Variants in SLMAP observed in about 807,000 individuals in gnomAD.
SLMAP encodes sarcolemma associated protein, also known as sarcolemmal membrane-associated protein.
SLMAP carries 44 observed loss-of-function variants against 128.8 expected under a neutral mutation model. The ratio of observed to expected loss-of-function variants is 0.34; its 90% CI spans 0.27 to 0.44. The LOEUF is 0.44. Ranked by LOEUF, SLMAP falls within the 20% of genes least tolerant of loss-of-function variation. The pLI, the probability that SLMAP is intolerant of heterozygous loss-of-function variation, is 1.00. For synonymous variants in SLMAP, 327 were observed against 348.8 expected (o/e 0.94, Z 0.70); for missense variants, 787 against 985.3 (o/e 0.80, Z 2.69).
intron 2 of SLMAP, among the ~76,000 whole-genome samples, chr3:57,824,267 A>G (rs547430184): frequency 3.3e-5 from 5 of 152,276 alleles, no homozygotes; most frequent in African/African-American, 9.6e-5. Flanking sequence ...AACATACCCT[A>G]AGGGACTTAT....
intron 2 of SLMAP, among the ~76,000 whole-genome samples, chr3:57,780,344 C>T (rs1418425413): frequency 1.3e-5 from 2 of 152,244 alleles, no homozygotes; most frequent in African/African-American, 4.8e-5. Context: ...AGGATCTCGC[C>T]AGGTTGCCCA....
chr3:57,818,457 A>G (rs1442210577), intron 2 of SLMAP, among the ~76,000 whole-genome samples: 3 of 152,182 alleles, frequency 2.0e-5, no homozygotes, highest in Non-Finnish European at 4.4e-5. Flanking sequence ...GCCTGGCCAT[A>G]GTCCTGATTT....
chr3:57,918,295 A>G (rs1325553542), intron 22 of SLMAP: 1 of 152,158 alleles, frequency 6.6e-6, no homozygotes, highest in Non-Finnish European at 1.5e-5. Flanking sequence ...TGGTTGGAAG[A>G]TTATTCTGTT....
intron 14 of SLMAP, among the ~76,000 whole-genome samples, chr3:57,886,135 G>A (rs1247229165): frequency 2.1e-5 from 3 of 139,598 alleles, no homozygotes; most frequent in Middle Eastern, 4.5e-3. Context: ...ATGGAGTCTC[G>A]CTCTGTTGCC....
intron 14 of SLMAP, among the ~76,000 whole-genome samples, chr3:57,886,244 C>A (rs764788848): frequency 3.6e-4 from 55 of 151,462 alleles, no homozygotes; most frequent in Non-Finnish European, 5.4e-4. Context: ...GCTGGGATTA[C>A]AGGTGCCCGC....
At chr3:57,805,484 T>A (rs1374427851) in intron 2 of SLMAP, among the ~76,000 whole-genome samples, 2 of 152,232 alleles carry the variant, frequency 1.3e-5, no homozygotes, top group African/African-American at 2.4e-5. Context: ...TAGCCCAGGC[T>A]ACCAACTGCT....
At chr3:57,921,807 G>A (rs1348213343) in intron 22 of SLMAP, among the ~76,000 whole-genome samples, 1 of 152,068 alleles carries the variant, frequency 6.6e-6, no homozygotes, top group Admixed American at 6.5e-5. Flanking sequence ...CCGGGTTCAA[G>A]CGATTCTCCT....
intron 19 of SLMAP, among the ~76,000 whole-genome samples, chr3:57,911,913 G>T (rs1044275926): frequency 4.4e-4 from 48 of 109,412 alleles, no homozygotes; most frequent in Non-Finnish European, 7.2e-4. Context: ...TCTACACATA[G>T]GATTCACCCT....
At chr3:57,856,223 CA>C (rs922790320) in intron 6 of SLMAP, among the ~76,000 whole-genome samples, 8 of 151,040 alleles carry the variant, frequency 5.3e-5, no homozygotes, top group African/African-American at 1.7e-4. Flanking sequence ...ACTCTTGTCT[CA>C]AAAAAAGAAA....
At chr3:57,808,603 G>T (rs563272880) in intron 2 of SLMAP, among the ~76,000 whole-genome samples, 5 of 152,150 alleles carry the variant, frequency 3.3e-5, no homozygotes, top group South Asian at 4.1e-4. Flanking sequence ...ATTTGATTGC[G>T]CTGTGGCCTG....
At chr3:57,812,086 C>A (rs1011327997) in intron 2 of SLMAP, among the ~76,000 whole-genome samples, 1 of 152,100 alleles carries the variant, frequency 6.6e-6, no homozygotes, top group Non-Finnish European at 1.5e-5. Context: ...TTCATGAAGT[C>A]CCCTTTGTCT....
chr3:57,813,220 C>T (rs1057505235), intron 2 of SLMAP, among the ~76,000 whole-genome samples: 8 of 151,568 alleles, frequency 5.3e-5, no homozygotes, highest in Admixed American at 2.6e-4. Flanking sequence ...CTCAGCGTCT[C>T]GAGCAGCTGG....
chr3:57,831,276 A>C, intron 2 of SLMAP, 107 bp from the exon 3 acceptor site: 1 of 722,938 alleles, frequency 1.4e-6, no homozygotes, highest in Non-Finnish European at 2.0e-6. Context: ...ATAGGGGAAA[A>C]ATTCACTTGC....
At chr3:57,781,898 A>T (rs1327210572) in intron 2 of SLMAP, among the ~76,000 whole-genome samples, 1 of 151,862 alleles carries the variant, frequency 6.6e-6, no homozygotes, top group Non-Finnish European at 1.5e-5. Flanking sequence ...ACACCCAGCT[A>T]ATTTTTGTGT....
At chr3:57,898,209 A>G (rs904788906) in intron 17 of SLMAP, 4 of 152,144 alleles carry the variant, frequency 2.6e-5, no homozygotes, top group Non-Finnish European at 5.9e-5. Flanking sequence ...CTTTTTTTCT[A>G]ATGTCATAAT....
chr3:57,851,503 C>G (rs1331204666), intron 6 of SLMAP, among the ~76,000 whole-genome samples: 1 of 146,404 alleles, frequency 6.8e-6, no homozygotes, highest in African/African-American at 2.5e-5. Context: ...AATGGACTTT[C>G]GCTCTGTCAC....
intron 3 of SLMAP, among the ~76,000 whole-genome samples, chr3:57,840,727 G>C (rs2093892875): frequency 6.6e-6 from 1 of 152,172 alleles, no homozygotes; most frequent in African/African-American, 2.4e-5. Flanking sequence ...TTTAAATATT[G>C]AAATGGAAAC....
chr3:57,912,052 T>C (rs979566068), intron 19 of SLMAP, among the ~76,000 whole-genome samples: 2 of 151,408 alleles, frequency 1.3e-5, no homozygotes, highest in African/African-American at 4.9e-5. Context: ...GTTGAAAGAG[T>C]TTCATCAACA....
intron 2 of SLMAP, among the ~76,000 whole-genome samples, chr3:57,813,046 T>C (rs2091269235): frequency 6.6e-6 from 1 of 151,974 alleles, no homozygotes; most frequent in African/African-American, 2.4e-5. Flanking sequence ...CATACAAGAC[T>C]ATATCATCTA....
Sources: gnomAD v4.1 joint callset for allele counts (sites outside exome capture counted in the v4.1 genomes callset) on GRCh38, gnomAD v4.1.1 for gene constraint, MANE v1.5 for transcripts, NCBI Gene and HGNC (gene_info 2026-07-23, HGNC 2026-07-21) for gene names.